PLEC: variants seen among roughly 807,000 people sequenced by gnomAD.
PLEC encodes plectin.
In PLEC, 216 loss-of-function variants were observed where a neutral mutation model predicts 392.8. The ratio of observed to expected loss-of-function variants is 0.55; its 90% CI spans 0.49 to 0.62. The LOEUF (loss-of-function observed/expected upper bound fraction) is 0.62, where lower values mean the gene tolerates loss of function less well. Ranked by LOEUF, PLEC falls within the 20% of genes least tolerant of loss-of-function variation. The pLI is 0.00. For synonymous variants in PLEC, 3,621 were observed against 2,980.6 expected, an observed-to-expected ratio of 1.21 and a Z score of -7.00; for missense variants, 6,863 against 6,563.4, an observed-to-expected ratio of 1.05 and a Z score of -1.58.
rs1820684147 is a variant in PLEC at position 143,916,680 on chromosome 8, A to G, written c.13141T>C (p.Tyr4381His). ...AQALKKGWLY[Y>H]EAGQRFLEVQ... is the part of the protein sequence containing the mutation. The stretch of plus-strand genomic sequence containing the variant: ...TCCAGGAAGCGCTGGCCGGCCTCGT[A>G]GTAGAGCCAGCCCTTCTTCAGGGCC... Residue 4381 changes from tyrosine to histidine, a missense_variant, in exon 32 of 32, where the codon TAC becomes CAC. By Grantham distance (83) the Tyr-to-His change is moderately conservative. Transcript: ENST00000345136. The G allele has an allele frequency of 6.2e-7, 1 of 1,611,930 alleles. No individual in the cohort carries two copies. The highest frequency in any genetic ancestry group is 8.5e-7 in the Non-Finnish European group (1 of 1,179,464).
At position 143,916,088 on chromosome 8, in the gene PLEC, G is replaced by A; in HGVS notation, c.*89C>T. 1.2e-6 allele frequency: 1 copy of A among 855,268 alleles called. No individual in the cohort carries two copies. The highest frequency in any genetic ancestry group is 1.7e-6 in the Non-Finnish European group (1 of 574,124). The allele number at this position is 855,268 out of a possible 1,614,324, so 53.0% of individuals were successfully genotyped here. A position where few individuals can be genotyped will look rare whatever the true frequency, so the allele number is the denominator to read the frequency against. On this transcript the variant is annotated 3_prime_UTR_variant, in exon 32 of 32. Coordinates refer to ENST00000345136, the MANE Select transcript of PLEC (RefSeq NM_201384.3). Reference sequence around the variant, plus strand: ...TTAAACTTTAGGCACCACTTGGGAGGAAGACACCTTTAAGCGTTGAAAACG... The same window carrying A: ...TTAAACTTTAGGCACCACTTGGGAGAAAGACACCTTTAAGCGTTGAAAACG...
chr8:143,948,431 A>T (rs1564205484), intron 1 of PLEC, among the ~76,000 whole-genome samples: 1 of 151,950 alleles, frequency 6.6e-6, no homozygotes, highest in Non-Finnish European at 1.5e-5. Context: ...GGCCATCCGG[A>T]CCCCTGTCAC....
Position 143,921,315 on chromosome 8 carries a change from C to T in PLEC, c.8506G>A (p.Asp2836Asn), listed in dbSNP as rs200814155. The T allele has an allele frequency of 2.0e-3, 3,280 of 1,613,938 alleles. 7 individuals are homozygous for T. Among genetic ancestry groups the T allele is most frequent in the Non-Finnish European group, 2.3e-3 (2,750 of 1,180,016 alleles). ...VDVAYRRGYF[D>N]EEMNRVLADP... is the part of the protein sequence containing the mutation. ...GCCAGGACGCGGTTCATCTCCTCGT[C>T]GAAGTAGCCGCGCCGGTAGGCCACG... Residue 2836 changes from aspartate to asparagine, a missense_variant, in exon 32 of 32, where the codon GAC (aspartate) becomes AAC (asparagine). Transcript: ENST00000345136.
At chr8:143,928,016 G>A (rs782548123) in intron 25 of PLEC, 24 bp from the exon 26 acceptor site, 2 of 1,579,966 alleles carry the variant, frequency 1.3e-6, no homozygotes, top group Non-Finnish European at 1.7e-6. Context: ...GGGGCTCAGG[G>A]CCATGACATG....
Position 143,925,019 on chromosome 8 carries a change from T to G in PLEC, c.4910A>C (p.Lys1637Thr). ...AERELERWQLKANEALRLRLQ... is the reference protein window; with the variant it reads ...AERELERWQLTANEALRLRLQ... ...CCGCAGCCGTAGCGCCTCGTTGGCC[T>G]TGAGCTGCCAGCGCTCCAGCTCCCG... The change falls in exon 31 of 32, where the codon AAG (lysine) becomes ACG (threonine). Residue 1637 changes from lysine to threonine, a missense_variant. Physicochemically the swap from Lys to Thr is moderately conservative, Grantham distance 78. Transcript: ENST00000345136. The G allele has an allele frequency of 6.4e-7, 1 of 1,569,784 alleles. No individual in the cohort carries two copies. The highest frequency in any genetic ancestry group is 1.4e-5 in the African/African-American group (1 of 74,028).
At position 143,932,664 on chromosome 8, in the gene PLEC, G is replaced by T. The variant is rs556691235; in HGVS notation, c.1786C>A (p.Arg596=). ...AGCTTGGCGTACTGCAGGTCCAGCC[G>T]ACCCAGGCAGTCACGGTAGGCACCC... ...TRGAYRDCLG[R]LDLQYAKLLN... is the part of the protein sequence containing the mutation. The change falls in exon 15 of 32, where the codon CGG becomes AGG. Residue 596 remains arginine, a synonymous_variant. Coordinates refer to ENST00000345136, the MANE Select transcript of PLEC (RefSeq NM_201384.3). The T allele has an allele frequency of 1.2e-6, 2 of 1,610,680 alleles. No homozygotes were observed. Among genetic ancestry groups the T allele is most frequent in the South Asian group, 2.2e-5 (2 of 90,850 alleles).
upstream of PLEC, chr8:143,944,011 C>T (rs1554730734): frequency 2.0e-6 from 3 of 1,485,522 alleles, no homozygotes; most frequent in Non-Finnish European, 1.8e-6. Flanking sequence ...CGGAGCCTGC[C>T]CTGCCCGCAG....
Position 143,932,617 on chromosome 8 carries a change from G to GGCCCC in PLEC, c.1815+17_1815+18insGGGGC, listed in dbSNP as rs781842432. 4.3e-6 allele frequency: 7 copies of GGCCCC among 1,609,490 alleles called. No individual in the cohort carries two copies. In the Admixed American group the frequency reaches 1.2e-4, roughly 27 times the overall value. ...CGCGGGCTACCCACCTCCCCCGGCT[G>GGCCCC]GCCCTGCCCCCACTCACCAGCAGCT... On this transcript the variant is annotated intron_variant, in intron 15 of 31. Coordinates refer to ENST00000345136, the MANE Select transcript of PLEC (RefSeq NM_201384.3).
At position 143,919,538 on chromosome 8, in the gene PLEC, G is replaced by A. The variant is rs1554678610; in HGVS notation, c.10283C>T (p.Ser3428Phe). The A allele has an allele frequency of 1.2e-6, 2 of 1,610,910 alleles. No individual in the cohort carries two copies. Among genetic ancestry groups the A allele is most frequent in the Non-Finnish European group, 1.7e-6 (2 of 1,179,418 alleles). ...GTAGCCGGTGACGGCCTTCTCGGCAGACAGCAGCTGCTCGTGAAGCTCGGG... is the reference window on the plus strand; with the variant it reads ...GTAGCCGGTGACGGCCTTCTCGGCAAACAGCAGCTGCTCGTGAAGCTCGGG... ...VGPELHEQLLSAEKAVTGYRD... is the reference protein window; with the variant it reads ...VGPELHEQLLFAEKAVTGYRD... Residue 3428 changes from serine (S) to phenylalanine (F), a missense_variant, in exon 32 of 32, where the codon TCT (serine) becomes TTT (phenylalanine). Transcript: ENST00000345136.
intron 1 of PLEC, among the ~76,000 whole-genome samples, chr8:143,967,661 C>T (rs1587416525): frequency 6.6e-6 from 1 of 152,306 alleles, no homozygotes; most frequent in Admixed American, 6.5e-5. Context: ...CAGCAGCTCA[C>T]ACCTGTAATC....
At chr8:143,956,244 G>A (rs1174091443), upstream of PLEC, among the ~76,000 whole-genome samples, 4 of 152,158 alleles carry the variant, frequency 2.6e-5, no homozygotes, top group African/African-American at 7.2e-5. Context: ...CACCACGCCC[G>A]GCCAGGGAGA....
In PLEC at chr8:143,930,386, C is replaced by T. The variant is rs1554713693; in HGVS notation, c.2455G>A (p.Glu819Lys). Reference sequence around the variant, plus strand: ...GTGGACCCCCGGCCTGCGCTCACCTCCACCTGCTTATAGTCGCACACGGCC... The same window carrying T: ...GTGGACCCCCGGCCTGCGCTCACCTTCACCTGCTTATAGTCGCACACGGCC... ...LLAVCDYKQV[E>K]VTVHKGDECQ... The change falls in exon 20 of 32, where the codon GAG (glutamate) becomes AAG (lysine). Residue 819 changes from glutamate (E) to lysine (K), a missense_variant and splice_region_variant. By Grantham distance (56) the Glu-to-Lys change is moderately conservative. Transcript: ENST00000345136. The T allele has an allele frequency of 6.4e-7, 1 of 1,572,186 alleles. No individual in the cohort carries two copies. The highest frequency in any genetic ancestry group is 1.2e-5 in the South Asian group (1 of 86,902).
chr8:143,926,692 A>C, intron 30 of PLEC, 92 bp downstream of exon 30: 1 of 1,038,944 alleles, frequency 9.6e-7, no homozygotes, highest in Non-Finnish European at 1.5e-6. Context: ...GGGCCACGAG[A>C]GGTGGCCTCA....
rs782556271 is a variant in PLEC at position 143,930,324 on chromosome 8, C to G, written c.2458-26G>C. 7.5e-6 allele frequency: 12 copies of G among 1,595,036 alleles called. No homozygotes were observed. In the East Asian group the frequency reaches 2.7e-4, roughly 36 times the overall value. ...CTGGGACGGGCAGAGTCGGTGAGGA[C>G]ATGGCCACACCCTGCCCTGCCTGGC... On this transcript the variant is annotated intron_variant, in intron 20 of 31. Coordinates refer to ENST00000345136, the MANE Select transcript of PLEC (RefSeq NM_201384.3).
intron 12 of PLEC, 26 bp downstream of exon 12, chr8:143,933,972 C>T (rs782657677): frequency 6.3e-7 from 1 of 1,583,924 alleles, no homozygotes; most frequent in South Asian, 1.1e-5. Context: ...TCCCTCCCGC[C>T]CACTGCCTGC....
intron 1 of PLEC, among the ~76,000 whole-genome samples, chr8:143,972,701 C>T (rs1204091171): frequency 6.6e-6 from 1 of 152,236 alleles, no homozygotes; most frequent in Non-Finnish European, 1.5e-5. Context: ...TGGAGCCGGG[C>T]GACCCAGGCT....
At chr8:143,938,829 T>A in intron 1 of PLEC, 137 bp from the exon 2 acceptor site, 2 of 770,628 alleles carry the variant, frequency 2.6e-6, no homozygotes, top group South Asian at 1.4e-5. Flanking sequence ...GATCACACAC[T>A]GAGACCCAGG....
chr8:143,940,379 G>A (rs1234936396), upstream of PLEC, among the ~76,000 whole-genome samples: 1 of 152,236 alleles, frequency 6.6e-6, no homozygotes, highest in Admixed American at 6.5e-5. Flanking sequence ...TCAGGGATGG[G>A]GAGGGGGCCC....
chr8:143,955,944 C>CT (rs57462492), upstream of PLEC, among the ~76,000 whole-genome samples: 9,915 of 125,348 alleles, frequency 0.079, 401 homozygotes, highest in Middle Eastern at 0.19. Context: ...CCTAGGGAGA[C>CT]TTTTTTTTTT....
Sources: allele counts gnomAD v4.1 joint callset (sites outside exome capture counted in the v4.1 genomes callset), GRCh38; gene constraint gnomAD v4.1.1; transcripts MANE v1.5; gene names NCBI Gene and HGNC (gene_info 2026-07-23, HGNC 2026-07-21).